Variants in SCIN observed in about 807,000 individuals in gnomAD.
SCIN encodes the protein scinderin.
SCIN carries 91 observed loss-of-function variants against 91.8 expected under a neutral mutation model. The observed-to-expected ratio is 0.99, with a 90% CI of 0.84 to 1.18. The LOEUF (loss-of-function observed/expected upper bound fraction) is 1.18. Among genes scored for constraint, SCIN ranks in the 50% most tolerant of loss-of-function variants. The pLI is 0.00. For missense variants in SCIN, 1,087 were observed against 863.9 expected (o/e 1.26, Z -3.24); for synonymous variants, 367 against 312.6 (o/e 1.17, Z -1.84).
chr7:12,581,979 G>T (rs1224607645), intron 3 of SCIN, among the ~76,000 whole-genome samples: 2 of 152,206 alleles, frequency 1.3e-5, no homozygotes, highest in Non-Finnish European at 2.9e-5. Flanking sequence ...AGAAAGCACA[G>T]AACTTATAAG....
intron 11 of SCIN, among the ~76,000 whole-genome samples, chr7:12,643,740 C>A (rs1405534366): frequency 1.3e-5 from 2 of 152,316 alleles, no homozygotes; most frequent in African/African-American, 2.4e-5. Context: ...CCTCACTTGG[C>A]CTCAAGATCA....
intron 10 of SCIN, among the ~76,000 whole-genome samples, chr7:12,637,411 C>T (rs1783773270): frequency 6.6e-6 from 1 of 151,742 alleles, no homozygotes; most frequent in Non-Finnish European, 1.5e-5. Context: ...AAGTCCAACA[C>T]CCAAAAGTGA....
intron 3 of SCIN, among the ~76,000 whole-genome samples, chr7:12,598,567 C>A (rs1458365670): frequency 6.6e-6 from 1 of 152,130 alleles, no homozygotes; most frequent in Middle Eastern, 3.4e-3. Context: ...CTGCTGCCAC[C>A]ACTGAATGAA....
intron 3 of SCIN, among the ~76,000 whole-genome samples, chr7:12,587,126 T>C (rs982368180): frequency 3.9e-5 from 6 of 152,228 alleles, no homozygotes; most frequent in Non-Finnish European, 5.9e-5. Flanking sequence ...TTTGAGGTGA[T>C]TGATGTGCTA....
At chr7:12,607,587 T>C (rs1318906880) in intron 4 of SCIN, among the ~76,000 whole-genome samples, 1 of 152,230 alleles carries the variant, frequency 6.6e-6, no homozygotes, top group Non-Finnish European at 1.5e-5. Flanking sequence ...GACTCCTCAG[T>C]TTGGTTTTTA....
At chr7:12,652,505 T>G in intron 15 of SCIN, 83 bp from the exon 16 acceptor site, 1 of 1,278,462 alleles carries the variant, frequency 7.8e-7, no homozygotes, top group Middle Eastern at 1.9e-4. Context: ...ATTCATTACT[T>G]TTATTCGAAG....
At chr7:12,637,353 A>G (rs1783772348) in intron 10 of SCIN, among the ~76,000 whole-genome samples, 1 of 152,206 alleles carries the variant, frequency 6.6e-6, no homozygotes, top group Admixed American at 6.5e-5. Context: ...ATAAAATAGC[A>G]TGGGTCCTTA....
chr7:12,589,819 T>C (rs538950233), intron 3 of SCIN, among the ~76,000 whole-genome samples: 102 of 151,926 alleles, frequency 6.7e-4, no homozygotes, highest in Non-Finnish European at 1.2e-3. Context: ...TAGCTGAGAG[T>C]TAGAAGGGGG....
At position 12,652,813 on chromosome 7, in the gene SCIN, G is replaced by A. The variant is rs1266517708; in HGVS notation, c.*98G>A. ...AAAGCTTTTTGCTTATTTGTCTTTT[G>A]AAAATTAAGGCTGGGCGCGGTGGCT... On this transcript the variant is annotated 3_prime_UTR_variant, in exon 16 of 16. Transcript: ENST00000297029. 1.2e-5 allele frequency: 18 copies of A among 1,492,830 alleles called. No homozygotes were observed. The highest frequency in any genetic ancestry group is 1.5e-5 in the Non-Finnish European group (17 of 1,110,534). 92.5% of individuals were successfully genotyped at this position (1,492,830 alleles called of 1,614,324 possible). A position where few individuals can be genotyped will look rare whatever the true frequency, so the allele number is the denominator to read the frequency against.
intron 4 of SCIN, among the ~76,000 whole-genome samples, chr7:12,615,994 T>C (rs1160017707): frequency 6.6e-6 from 1 of 152,134 alleles, no homozygotes; most frequent in Non-Finnish European, 1.5e-5. Flanking sequence ...TATGTGTATA[T>C]GTATATGTAT....
intron 13 of SCIN, among the ~76,000 whole-genome samples, chr7:12,647,133 T>A (rs1377161534): frequency 6.6e-6 from 1 of 152,220 alleles, no homozygotes; most frequent in East Asian, 1.9e-4. Context: ...GAAAAATGTA[T>A]TTTACAAAAA....
At chr7:12,634,698 G>T (rs996388473) in intron 9 of SCIN, among the ~76,000 whole-genome samples, 2 of 152,110 alleles carry the variant, frequency 1.3e-5, no homozygotes, top group African/African-American at 4.8e-5. Context: ...TTGGGGCTTT[G>T]TTTTGTTTTT....
chr7:12,654,146 A>G lies in SCIN; in HGVS notation c.*1431A>G, dbSNP rs186083235. The stretch of plus-strand genomic sequence containing the variant: ...AGGATGAACAATGTAGGGTCCAACA[A>G]TTCATCCCACATGAATTTTTCTCAT... On this transcript the variant is annotated 3_prime_UTR_variant, in exon 16 of 16. Transcript: ENST00000297029. 2.0e-5 allele frequency: 3 copies of G among 152,190 alleles called. No individual in the cohort carries two copies. The highest frequency in any genetic ancestry group is 4.4e-5 in the Non-Finnish European group (3 of 68,032). The allele number at this position is 152,190 out of a possible 1,614,324, so 9.4% of individuals were successfully genotyped here.
chr7:12,604,671 G>A lies in SCIN; in HGVS notation c.666+8G>A. 1 of 1,551,018 alleles carries A rather than the reference G, an allele frequency of 6.4e-7. No individual in the cohort carries two copies. Among genetic ancestry groups the A allele is most frequent in the South Asian group, 1.2e-5 (1 of 83,926 alleles). Reference sequence around the variant, plus strand: ...CCCTCAGAACTTATAAAGGTATTGTGACTCCTGTTGTTTGTTAAAGGGTTA... The same window carrying A: ...CCCTCAGAACTTATAAAGGTATTGTAACTCCTGTTGTTTGTTAAAGGGTTA... On this transcript the variant is annotated splice_region_variant and intron_variant, in intron 4 of 15. Coordinates refer to ENST00000297029, the MANE Select transcript of SCIN (RefSeq NM_001112706.3).
At position 12,575,710 on chromosome 7, in the gene SCIN, A is replaced by C. The variant is rs567810604; in HGVS notation, c.200-2354A>C. On this transcript the variant is annotated intron_variant, in intron 1 of 15. Coordinates refer to ENST00000297029, the MANE Select transcript of SCIN (RefSeq NM_001112706.3). ...CATAGTATAACAGAACATAAAAGACACCGGTAAAATCAGTGTAGGGAAACA... is the reference window on the plus strand; with the variant it reads ...CATAGTATAACAGAACATAAAAGACCCCGGTAAAATCAGTGTAGGGAAACA... Among the ~76,000 whole-genome samples the C allele has an allele frequency of 5.9e-5, 9 of 152,314 alleles. No individual in the cohort carries two copies. The South Asian group carries it at 1.0e-3, about 18-fold the overall frequency.
chr7:12,588,541 C>A (rs1393794810), intron 3 of SCIN, among the ~76,000 whole-genome samples: 1 of 151,946 alleles, frequency 6.6e-6, no homozygotes, highest in African/African-American at 2.4e-5. Flanking sequence ...AAGGAGGCAG[C>A]CCTGAGCTTA....
rs149278195 is a variant in SCIN at position 12,605,467 on chromosome 7, G to A, written c.666+804G>A. Among the ~76,000 whole-genome samples, 13 of 152,242 alleles carry A rather than the reference G, an allele frequency of 8.5e-5. 1 individual carries two copies. The highest frequency in any genetic ancestry group is 2.1e-4 in the South Asian group (1 of 4,820). On this transcript the variant is annotated intron_variant, in intron 4 of 15. Coordinates refer to ENST00000297029, the MANE Select transcript of SCIN (RefSeq NM_001112706.3). ...GAAGTGTTTCAGATTTTGAATTTCC[G>A]GGGTATTGGAAATATTTGTATATAC...
intron 3 of SCIN, among the ~76,000 whole-genome samples, chr7:12,586,566 A>T (rs1255785914): frequency 1.3e-5 from 2 of 152,240 alleles, no homozygotes; most frequent in African/African-American, 4.8e-5. Context: ...ATGATCCAGC[A>T]GTCCCACTAC....
intron 8 of SCIN, among the ~76,000 whole-genome samples, chr7:12,627,246 C>A (rs1364706273): frequency 6.6e-6 from 1 of 152,068 alleles, no homozygotes; most frequent in Non-Finnish European, 1.5e-5. Flanking sequence ...TCAGCTGGAC[C>A]CTTGACCCTT....
Sources: gnomAD v4.1 joint callset for allele counts (sites outside exome capture counted in the v4.1 genomes callset) on GRCh38, gnomAD v4.1.1 for gene constraint, MANE v1.5 for transcripts, NCBI Gene and HGNC (gene_info 2026-07-23, HGNC 2026-07-21) for gene names.